Variants in TGFBR3 observed in about 807,000 individuals in gnomAD.
The protein encoded by TGFBR3 is transforming growth factor beta receptor 3, also known as transforming growth factor beta receptor type 3.
Under a neutral mutation model 87.9 loss-of-function variants are expected in TGFBR3, and 46 were observed. That is an observed-to-expected ratio of 0.52 (90% CI 0.41 to 0.67). TGFBR3 has a LOEUF of 0.67. Among genes scored for constraint, TGFBR3 ranks in the 30% least tolerant of loss-of-function variants. The pLI, the probability that TGFBR3 is intolerant of heterozygous loss-of-function variation, is 0.00. For synonymous variants in TGFBR3, 381 were observed against 391.6 expected, an observed-to-expected ratio of 0.97 and a Z score of 0.32; for missense variants, 866 against 1,041.9, an observed-to-expected ratio of 0.83 and a Z score of 2.32.
At chr1:91,844,027 T>C (rs953046211) in intron 2 of TGFBR3, among the ~76,000 whole-genome samples, 5 of 152,220 alleles carry the variant, frequency 3.3e-5, no homozygotes, top group Non-Finnish European at 4.4e-5. Context: ...AACGGCCTGA[T>C]GGAAAGGCAC....
At chr1:91,717,874 C>CTTTTTTTTTTTTTTTTTT (rs56325630) in intron 10 of TGFBR3, among the ~76,000 whole-genome samples, 1 of 146,264 alleles carries the variant, frequency 6.8e-6, no homozygotes. Context: ...AAGCAACTGA[C>CTTTTTTTTTTTTTTTTTT]TTTTTTTTTT....
chr1:91,727,903 A>G, intron 6 of TGFBR3, 97 bp from the exon 7 acceptor site: 1 of 1,466,994 alleles, frequency 6.8e-7, no homozygotes, highest in Non-Finnish European at 9.4e-7. Context: ...GTGTCTGGCC[A>G]GTTGATTAAA....
intron 1 of TGFBR3, among the ~76,000 whole-genome samples, chr1:91,885,539 A>C (rs1254852627): frequency 6.6e-6 from 1 of 152,264 alleles, no homozygotes; most frequent in East Asian, 1.9e-4. Flanking sequence ...GCCCGGAGGG[A>C]AGTGGCCGCC....
intron 16 of TGFBR3, among the ~76,000 whole-genome samples, chr1:91,685,209 G>T (rs1671048251): frequency 6.6e-6 from 1 of 151,512 alleles, no homozygotes. Flanking sequence ...TGTGCTTGTT[G>T]TAAGTTTGGC....
At chr1:91,746,564 C>G (rs150653284) in intron 4 of TGFBR3, among the ~76,000 whole-genome samples, 1 of 152,292 alleles carries the variant, frequency 6.6e-6, no homozygotes, top group African/African-American at 2.4e-5. Flanking sequence ...ATTCCTTTAT[C>G]TAATTTTGTC....
At chr1:91,848,180 T>C (rs1677578801) in intron 2 of TGFBR3, among the ~76,000 whole-genome samples, 1 of 152,236 alleles carries the variant, frequency 6.6e-6, no homozygotes, top group Admixed American at 6.5e-5. Context: ...CTCCCTTTTA[T>C]GGCACTAAGA....
At chr1:91,722,196 T>C (rs773737579) in intron 7 of TGFBR3, 52 bp from the exon 8 acceptor site, 6 of 1,408,950 alleles carry the variant, frequency 4.3e-6, no homozygotes, top group Non-Finnish European at 6.0e-6. Flanking sequence ...AACAGTACTT[T>C]AGATAATAAA....
In TGFBR3 at chr1:91,853,602, A is replaced by G. The variant is rs559894700; in HGVS notation, c.61+7869T>C. 3.3e-5 allele frequency among the ~76,000 whole-genome samples: 5 copies of G among 152,384 alleles called. No individual in the cohort carries two copies. In the East Asian group the frequency reaches 9.6e-4, roughly 29 times the overall value. ...TACTATACAGCCTTAAAAAAGAAGG[A>G]AATCCTGTCATTTGCAACAACACAG... On this transcript the variant is annotated intron_variant, in intron 2 of 16. Coordinates refer to ENST00000212355, the MANE Select transcript of TGFBR3 (RefSeq NM_003243.5).
At chr1:91,866,994 C>T (rs911954358) in intron 1 of TGFBR3, among the ~76,000 whole-genome samples, 1 of 152,240 alleles carries the variant, frequency 6.6e-6, no homozygotes, top group African/African-American at 2.4e-5. Context: ...GAGATTCTCA[C>T]AGCATGTCAG....
chr1:91,720,951 C>A (rs532110002), intron 8 of TGFBR3, among the ~76,000 whole-genome samples: 12 of 152,278 alleles, frequency 7.9e-5, no homozygotes, highest in Admixed American at 3.9e-4. Context: ...TGCATAGATA[C>A]ATTTATTCCT....
At chr1:91,778,389 T>C (rs1187072928) in intron 3 of TGFBR3, among the ~76,000 whole-genome samples, 1 of 152,168 alleles carries the variant, frequency 6.6e-6, no homozygotes, top group Non-Finnish European at 1.5e-5. Flanking sequence ...GAGATCCAAA[T>C]GGGTCTACAC....
intron 1 of TGFBR3, among the ~76,000 whole-genome samples, chr1:91,882,263 A>T (rs1208944483): frequency 6.7e-6 from 1 of 149,964 alleles, no homozygotes; most frequent in Admixed American, 6.7e-5. Context: ...CAGCCTCTGG[A>T]GTAGCTGTGA....
In TGFBR3 at chr1:91,698,087, A is replaced by C. The variant is rs1327048092; in HGVS notation, c.2329+2T>G. On this transcript the variant is annotated splice_donor_variant, in intron 15 of 16. Transcript: ENST00000212355. LOFTEE classifies it high-confidence loss of function. The stretch of plus-strand genomic sequence containing the variant: ...TTTCGAAATAGTTGCATAAAGACTT[A>C]CGTGGAGAAATTGGATTTGGTTCCT... 1.2e-6 allele frequency: 2 copies of C among 1,613,762 alleles called. No individual in the cohort carries two copies. Among genetic ancestry groups the C allele is most frequent in the Admixed American group, 3.3e-5 (2 of 60,010 alleles).
intron 16 of TGFBR3, among the ~76,000 whole-genome samples, chr1:91,685,689 T>G (rs911905971): frequency 1.3e-5 from 2 of 152,160 alleles, no homozygotes; most frequent in African/African-American, 4.8e-5. Flanking sequence ...CCTCTACTCT[T>G]CATGTGTGTG....
chr1:91,882,394 C>T (rs1295287138), intron 1 of TGFBR3, among the ~76,000 whole-genome samples: 3 of 151,638 alleles, frequency 2.0e-5, no homozygotes, highest in African/African-American at 4.8e-5. Flanking sequence ...GCCTCGGCCT[C>T]CCAACATGCT....
intron 2 of TGFBR3, among the ~76,000 whole-genome samples, chr1:91,818,263 C>T (rs1676306935): frequency 7.9e-6 from 1 of 127,238 alleles, no homozygotes; most frequent in African/African-American, 3.1e-5. Flanking sequence ...TGCACCATTT[C>T]CCCTTAGCCC....
At chr1:91,746,106 A>G (rs1673336281) in intron 4 of TGFBR3, among the ~76,000 whole-genome samples, 2 of 152,212 alleles carry the variant, frequency 1.3e-5, no homozygotes, top group South Asian at 4.1e-4. Context: ...AACACCCTGC[A>G]TGTTTACACA....
At chr1:91,859,925 A>C (rs867412257) in intron 2 of TGFBR3, among the ~76,000 whole-genome samples, 1 of 148,640 alleles carries the variant, frequency 6.7e-6, no homozygotes, top group Non-Finnish European at 1.5e-5. Context: ...AAAAAAAAAA[A>C]AAGATACTTG....
rs1271947857 is a variant in TGFBR3, at chr1:91,886,001, C to G, written c.-237G>C. The G allele has an allele frequency of 2.2e-6, 1 of 453,150 alleles. No individual in the cohort carries two copies. The highest frequency in any genetic ancestry group is 2.0e-5 in the African/African-American group (1 of 49,944). The allele number at this position is 453,150 out of a possible 1,614,324, so 28.1% of individuals were successfully genotyped here. A position where few individuals can be genotyped will look rare whatever the true frequency, so the allele number is the denominator to read the frequency against. On this transcript the variant is annotated 5_prime_UTR_variant, in exon 1 of 17. Transcript: ENST00000212355. ...CAGCTGCTGCGCCGCGGCAAAACTA[C>G]GCCATCCGGACCCGCTGGGGACTCT...
Sources: gnomAD v4.1 joint callset for allele counts (sites outside exome capture counted in the v4.1 genomes callset) on GRCh38, gnomAD v4.1.1 for gene constraint, MANE v1.5 for transcripts, NCBI Gene and HGNC (gene_info 2026-07-23, HGNC 2026-07-21) for gene names.